PHAF1: variants seen among roughly 807,000 people sequenced by gnomAD.
PHAF1 encodes phagosome assembly factor 1.
A neutral mutation model predicts 63.1 loss-of-function variants in PHAF1; 23 were observed. The ratio of observed to expected loss-of-function variants is 0.36; its 90% CI spans 0.26 to 0.52. The LOEUF (loss-of-function observed/expected upper bound fraction) is 0.52. PHAF1 is among the 20% of genes least tolerant of loss of function. The pLI, the probability that PHAF1 is intolerant of heterozygous loss-of-function variation, is 0.93. For synonymous variants in PHAF1, 167 were observed against 185.0 expected (o/e 0.90, Z 0.79); for missense variants, 427 against 517.2 (o/e 0.83, Z 1.69).
In PHAF1 at chr16:67,148,206, C is replaced by T. The variant is rs1435580280; in HGVS notation, c.*1075C>T. On this transcript the variant is annotated 3_prime_UTR_variant, in exon 16 of 16. Transcript: ENST00000219139. ...TGTGTACAGATTTTTGTAAATATGA[C>T]TCTTTTGTAATTAACTCATGTACAG... 1 of 152,574 alleles carries T rather than the reference C, an allele frequency of 6.6e-6. No homozygotes were observed. The highest frequency in any genetic ancestry group is 2.4e-5 in the African/African-American group (1 of 41,426). The allele number at this position is 152,574 out of a possible 1,614,324, so 9.5% of individuals were successfully genotyped here.
At chr16:67,146,479 A>G (rs2030090293) in intron 15 of PHAF1, 129 bp downstream of exon 15, 2 of 969,098 alleles carry the variant, frequency 2.1e-6, no homozygotes, top group Non-Finnish European at 3.3e-6. Flanking sequence ...TTCTTCAGCA[A>G]CCGTGTCTGC....
At position 67,110,020 on chromosome 16, in the gene PHAF1, G is replaced by A; in HGVS notation, c.-156G>A. On this transcript the variant is annotated 5_prime_UTR_variant, in exon 1 of 16. Coordinates refer to ENST00000219139, the MANE Select transcript of PHAF1 (RefSeq NM_025187.5). ...GTGAAGTGAGGTGAGGTGTGGTGTT[G>A]GGCCGGTGCTGCTGCCGCTGCCGCC... The A allele has an allele frequency of 1.4e-6, 1 of 699,306 alleles. No homozygotes were observed. 43.3% of individuals were successfully genotyped at this position (699,306 alleles called of 1,614,324 possible). A position where few individuals can be genotyped will look rare whatever the true frequency, so the allele number is the denominator to read the frequency against.
intron 14 of PHAF1, 78 bp downstream of exon 14, chr16:67,145,706 T>G: frequency 1.4e-6 from 2 of 1,456,746 alleles, no homozygotes; most frequent in Non-Finnish European, 1.9e-6. Flanking sequence ...CCTGGCACAG[T>G]GGATGTTGCT....
At chr16:67,139,904 C>T in intron 8 of PHAF1, 80 bp from the exon 9 acceptor site, 1 of 1,513,516 alleles carries the variant, frequency 6.6e-7, no homozygotes, top group Non-Finnish European at 9.1e-7. Flanking sequence ...AGCATGCAGC[C>T]AGTAGCTTCT....
At position 67,134,342 on chromosome 16, in the gene PHAF1, T is replaced by C. The variant is rs1335486249; in HGVS notation, c.549-13T>C. 1.2e-6 allele frequency: 2 copies of C among 1,610,106 alleles called. No individual in the cohort carries two copies. The highest frequency in any genetic ancestry group is 1.7e-6 in the Non-Finnish European group (2 of 1,176,402). Reference sequence around the variant, plus strand: ...AAGAACCAAGCCTCTGCTCATTCTGTGTCTGTCCCCAGGGCTCCCATGATG... The same window carrying C: ...AAGAACCAAGCCTCTGCTCATTCTGCGTCTGTCCCCAGGGCTCCCATGATG... On this transcript the variant is annotated splice_polypyrimidine_tract_variant and intron_variant, in intron 7 of 15. Coordinates refer to ENST00000219139, the MANE Select transcript of PHAF1 (RefSeq NM_025187.5).
Position 67,144,818 on chromosome 16 carries a change from T to C in PHAF1, c.963-16T>C. The C allele has an allele frequency of 6.2e-7, 1 of 1,613,912 alleles. No individual in the cohort carries two copies. The highest frequency in any genetic ancestry group is 8.5e-7 in the Non-Finnish European group (1 of 1,179,840). On this transcript the variant is annotated splice_polypyrimidine_tract_variant and intron_variant, in intron 11 of 15. Transcript: ENST00000219139. The stretch of plus-strand genomic sequence containing the variant: ...TTCTAGGAGGCCCAGCCTTTACCCA[T>C]TTGCCTTCTCTCTAGTTATCATCGC...
intron 2 of PHAF1, among the ~76,000 whole-genome samples, chr16:67,122,957 G>C (rs1963044308): frequency 6.6e-6 from 1 of 152,018 alleles, no homozygotes; most frequent in African/African-American, 2.4e-5. Context: ...TCAAACTCCT[G>C]ACCTCAAGTG....
intron 3 of PHAF1, among the ~76,000 whole-genome samples, chr16:67,127,436 T>C (rs1963235179): frequency 6.6e-6 from 1 of 152,206 alleles, no homozygotes; most frequent in Non-Finnish European, 1.5e-5. Flanking sequence ...TTCCTCATTC[T>C]ATCCTGTCTC....
At chr16:67,128,061 G>C (rs1963257667) in intron 3 of PHAF1, among the ~76,000 whole-genome samples, 1 of 150,474 alleles carries the variant, frequency 6.6e-6, no homozygotes, top group South Asian at 2.1e-4. Flanking sequence ...GCACATGGCT[G>C]GGTGTTTCAC....
intron 12 of PHAF1, 92 bp from the exon 13 acceptor site, chr16:67,145,284 C>G: frequency 7.0e-7 from 1 of 1,438,718 alleles, no homozygotes; most frequent in Non-Finnish European, 9.6e-7. Flanking sequence ...AACCCCAGTG[C>G]AAAGGGACAC....
At chr16:67,130,001 T>C (rs1042668992) in intron 3 of PHAF1, among the ~76,000 whole-genome samples, 2 of 152,220 alleles carry the variant, frequency 1.3e-5, no homozygotes, top group Non-Finnish European at 2.9e-5. Context: ...TCCCCCTCCA[T>C]CTTTTTGTTT....
intron 8 of PHAF1, among the ~76,000 whole-genome samples, chr16:67,138,792 G>C (rs1238375057): frequency 6.6e-6 from 1 of 152,158 alleles, no homozygotes. Flanking sequence ...GCTCTTGTCT[G>C]GGTTGGAGGG....
intron 8 of PHAF1, 37 bp downstream of exon 8, chr16:67,134,504 T>C: frequency 6.6e-7 from 1 of 1,506,540 alleles, no homozygotes; most frequent in African/African-American, 1.4e-5. Context: ...CATTCCGCAT[T>C]ATACCCATGT....
At chr16:67,141,306 T>C (rs1963800663) in intron 10 of PHAF1, among the ~76,000 whole-genome samples, 2 of 152,204 alleles carry the variant, frequency 1.3e-5, no homozygotes, top group Admixed American at 1.3e-4. Flanking sequence ...GGGGAGCTGA[T>C]GTCCGGTCAT....
intron 3 of PHAF1, among the ~76,000 whole-genome samples, chr16:67,128,778 A>G (rs1963282774): frequency 6.6e-6 from 1 of 152,226 alleles, no homozygotes; most frequent in South Asian, 2.1e-4. Flanking sequence ...GGACTCCAGG[A>G]TGGCCAGCAC....
intron 13 of PHAF1, 52 bp downstream of exon 13, chr16:67,145,471 G>A (rs758662581): frequency 1.2e-6 from 2 of 1,613,314 alleles, no homozygotes; most frequent in Non-Finnish European, 1.7e-6. Context: ...GTGGACATGA[G>A]CCTGCAGGCA....
At chr16:67,116,578 G>A (rs777885707) in intron 1 of PHAF1, among the ~76,000 whole-genome samples, 2 of 152,130 alleles carry the variant, frequency 1.3e-5, no homozygotes, top group Admixed American at 6.6e-5. Flanking sequence ...GGCCACGTGC[G>A]GTGGCTCACA....
At chr16:67,119,087 C>G (rs2145829374) in intron 1 of PHAF1, among the ~76,000 whole-genome samples, 1 of 152,176 alleles carries the variant, frequency 6.6e-6, no homozygotes, top group East Asian at 1.9e-4. Flanking sequence ...TGATTTTAAA[C>G]TTTTAAAATT....
chr16:67,132,920 T>C lies in PHAF1; in HGVS notation c.450+9T>C, dbSNP rs1770519989. 6.3e-7 allele frequency: 1 copy of C among 1,583,342 alleles called. No individual in the cohort carries two copies. Among genetic ancestry groups the C allele is most frequent in the South Asian group, 1.1e-5 (1 of 90,260 alleles). Reference sequence around the variant, plus strand: ...AGGCTCCAAAGTATGAGGTTAGCCCTTCCTGTCCCCTGGTGTTTGTTGTAT... The same window carrying C: ...AGGCTCCAAAGTATGAGGTTAGCCCCTCCTGTCCCCTGGTGTTTGTTGTAT... On this transcript the variant is annotated intron_variant, in intron 6 of 15. Transcript: ENST00000219139.
Sources: gnomAD v4.1 joint callset for allele counts (sites outside exome capture counted in the v4.1 genomes callset) on GRCh38, gnomAD v4.1.1 for gene constraint, MANE v1.5 for transcripts, NCBI Gene and HGNC (gene_info 2026-07-23, HGNC 2026-07-21) for gene names.